Variants in SPECC1L observed in about 807,000 individuals in gnomAD.
SPECC1L encodes the protein cytospin-A.
A neutral mutation model predicts 116.8 loss-of-function variants in SPECC1L; 40 were observed. That is an observed-to-expected ratio of 0.34 (90% CI 0.27 to 0.45). The LOEUF is 0.45. Among genes scored for constraint, SPECC1L ranks in the 20% least tolerant of loss-of-function variants. SPECC1L has a pLI of 1.00. For synonymous variants in SPECC1L, 504 were observed against 500.6 expected, an observed-to-expected ratio of 1.01 and a Z score of -0.09; for missense variants, 1,110 against 1,373.6, an observed-to-expected ratio of 0.81 and a Z score of 3.03.
chr22:24,344,611 GAAAGA>G, intron 10 of SPECC1L, among the ~76,000 whole-genome samples: 1 of 122,762 alleles, frequency 8.1e-6, no homozygotes, highest in Middle Eastern at 4.1e-3. Flanking sequence ...AAAAAAAAAA[GAAAGA>G]AAAGCATACA....
intron 1 of SPECC1L, among the ~76,000 whole-genome samples, chr22:24,273,272 A>G (rs947871512): frequency 6.6e-6 from 1 of 152,242 alleles, no homozygotes; most frequent in Non-Finnish European, 1.5e-5. Flanking sequence ...TTTAAATCAC[A>G]TGACTAACCT....
intron 1 of SPECC1L, among the ~76,000 whole-genome samples, chr22:24,275,988 C>T (rs1458971502): frequency 6.6e-6 from 1 of 152,176 alleles, no homozygotes; most frequent in South Asian, 2.1e-4. Context: ...GTTGGGATTA[C>T]AGGTGTGACC....
At chr22:24,378,987 C>T (rs5760381) in intron 14 of SPECC1L, among the ~76,000 whole-genome samples, 5,537 of 152,116 alleles carry the variant, frequency 0.036, 299 homozygotes, top group South Asian at 0.12. Flanking sequence ...TTGTAAAAAA[C>T]GCAGGATCCA....
Position 24,276,689 on chromosome 22 carries a change from C to T in SPECC1L, c.-141-11C>T. The T allele has an allele frequency of 2.4e-6, 1 of 423,074 alleles. No homozygotes were observed. Among genetic ancestry groups the T allele is most frequent in the Non-Finnish European group, 4.6e-6 (1 of 215,818 alleles). 26.2% of individuals were successfully genotyped at this position (423,074 alleles called of 1,614,324 possible). A position where few individuals can be genotyped will look rare whatever the true frequency, so the allele number is the denominator to read the frequency against. ...TTTAAAGCTATTCTATTCTTCCTCT[C>T]TCTCTTCTAGTGTTCTTGGGGAAGA... On this transcript the variant is annotated splice_polypyrimidine_tract_variant and intron_variant, in intron 1 of 16. Transcript: ENST00000314328.
intron 6 of SPECC1L, among the ~76,000 whole-genome samples, chr22:24,327,768 T>G (rs2040859908): frequency 6.6e-6 from 1 of 152,206 alleles, no homozygotes; most frequent in Non-Finnish European, 1.5e-5. Context: ...AACTACTGAG[T>G]CTGTGAGGTC....
rs556087311 is a variant in SPECC1L, at chr22:24,344,927, T to C, written c.2653-2159T>C. ...CATTTATAGATTGGAAGACTCAATA[T>C]CATTAATATCTTGTAGTAGTCTTTT... On this transcript the variant is annotated intron_variant, in intron 10 of 16. Coordinates refer to ENST00000314328, the MANE Select transcript of SPECC1L (RefSeq NM_015330.6). Among the ~76,000 whole-genome samples, 6 of 152,318 alleles carry C rather than the reference T, an allele frequency of 3.9e-5. No individual in the cohort carries two copies. In the East Asian group the frequency reaches 1.2e-3, roughly 29 times the overall value.
chr22:24,367,931 C>T (rs2041803011), intron 13 of SPECC1L, among the ~76,000 whole-genome samples: 2 of 152,176 alleles, frequency 1.3e-5, no homozygotes, highest in South Asian at 4.1e-4. Flanking sequence ...ACTAGTCAAG[C>T]TGCCGGTTAC....
chr22:24,361,457 C>G (rs991966447), intron 11 of SPECC1L, among the ~76,000 whole-genome samples: 1 of 152,132 alleles, frequency 6.6e-6, no homozygotes, highest in African/African-American at 2.4e-5. Context: ...AATCCCAGCA[C>G]TTTGGCCAAC....
chr22:24,321,389 A>C lies in SPECC1L; in HGVS notation c.409A>C (p.Lys137Gln). The C allele has an allele frequency of 1.9e-6, 3 of 1,614,244 alleles. No homozygotes were observed. The highest frequency in any genetic ancestry group is 2.5e-6 in the Non-Finnish European group (3 of 1,180,038). ...ACGTACCCGATTAAACCAGAGCAAAAAACTACCTTCTGCAGGTCAGGGAGC... is the reference window on the plus strand; with the variant it reads ...ACGTACCCGATTAAACCAGAGCAAACAACTACCTTCTGCAGGTCAGGGAGC... ...RERTRLNQSK[K>Q]LPSAGQGAND... Residue 137 changes from lysine to glutamine, a missense_variant, in exon 5 of 17, where the codon AAA becomes CAA. This residue lies in a region of SPECC1L where 437 missense variants were observed against 482.6 expected (regional missense o/e 0.91). Transcript: ENST00000314328.
At chr22:24,359,562 C>G (rs1350943087) in intron 11 of SPECC1L, among the ~76,000 whole-genome samples, 1 of 152,032 alleles carries the variant, frequency 6.6e-6, no homozygotes, top group Non-Finnish European at 1.5e-5. Flanking sequence ...ATCTGTGTCC[C>G]TCACATTGGC....
At chr22:24,365,038 CT>C (rs1238136237) in intron 12 of SPECC1L, among the ~76,000 whole-genome samples, 1 of 152,082 alleles carries the variant, frequency 6.6e-6, no homozygotes, top group African/African-American at 2.4e-5. Context: ...TGGAGTCTCT[CT>C]CTGTCGCCCA....
chr22:24,407,995 C>T (rs972629649), intron 14 of SPECC1L, among the ~76,000 whole-genome samples: 4 of 152,208 alleles, frequency 2.6e-5, no homozygotes, highest in African/African-American at 9.6e-5. Flanking sequence ...ATCCCAGAGA[C>T]CAGCTGTGTG....
rs183184181 is a variant in SPECC1L, at chr22:24,375,537, A to G, written c.3087+6217A>G. Among the ~76,000 whole-genome samples the G allele has an allele frequency of 3.6e-3, 551 of 152,160 alleles. 4 individuals are homozygous for G. The highest frequency in any genetic ancestry group is 4.2e-3 in the Non-Finnish European group (286 of 68,014). ...ATACCATATTATTAGAATAAAGGGG[A>G]AAAAACCGCATGATCATCTCACTAG... On this transcript the variant is annotated intron_variant, in intron 14 of 16. Transcript: ENST00000314328.
intron 14 of SPECC1L, among the ~76,000 whole-genome samples, chr22:24,375,358 AAAGAT>A (rs1317362244): frequency 6.6e-6 from 1 of 152,208 alleles, no homozygotes; most frequent in South Asian, 2.1e-4. Flanking sequence ...AAAAACGGAA[AAAGAT>A]ATTACAAAAA....
At chr22:24,379,324 G>A (rs1041941303) in intron 14 of SPECC1L, among the ~76,000 whole-genome samples, 8 of 151,504 alleles carry the variant, frequency 5.3e-5, no homozygotes, top group African/African-American at 2.4e-5. Flanking sequence ...AGGCTGCTGT[G>A]AGCCATTATT....
At chr22:24,363,413 C>A in intron 12 of SPECC1L, 69 bp downstream of exon 12, 1 of 1,347,130 alleles carries the variant, frequency 7.4e-7, no homozygotes, top group Non-Finnish European at 1.1e-6. Flanking sequence ...CTATGTTGCC[C>A]AGGCTGATCT....
chr22:24,374,215 G>C (rs1216826173), intron 14 of SPECC1L, among the ~76,000 whole-genome samples: 2 of 151,964 alleles, frequency 1.3e-5, no homozygotes, highest in African/African-American at 4.8e-5. Context: ...TCAGTGTGGC[G>C]ATTCCTCAGG....
At chr22:24,370,536 A>G (rs1220502657) in intron 14 of SPECC1L, among the ~76,000 whole-genome samples, 1 of 152,190 alleles carries the variant, frequency 6.6e-6, no homozygotes, top group African/African-American at 2.4e-5. Context: ...AAAAAAGTAA[A>G]CAGAATTACC....
At chr22:24,330,573 G>T in intron 8 of SPECC1L, 142 bp downstream of exon 8, 1 of 890,572 alleles carries the variant, frequency 1.1e-6, no homozygotes, top group Non-Finnish European at 1.8e-6. Flanking sequence ...AGCTTTTCTG[G>T]GCCTCATTTT....
Sources: allele counts gnomAD v4.1 joint callset (sites outside exome capture counted in the v4.1 genomes callset), GRCh38; gene constraint gnomAD v4.1.1; regional missense constraint gnomAD v4.1.1; transcripts MANE v1.5; gene names NCBI Gene and HGNC (gene_info 2026-07-23, HGNC 2026-07-21).